The following MYOM1 variants were observed in gnomAD, a reference collection of about 807,000 sequenced individuals.
The protein encoded by MYOM1 is myomesin-1.
Under a neutral mutation model 205.3 loss-of-function variants are expected in MYOM1, and 164 were observed. The observed-to-expected ratio is 0.80, with a 90% CI of 0.70 to 0.91. The LOEUF (loss-of-function observed/expected upper bound fraction) is 0.91, where lower values mean the gene tolerates loss of function less well. Ranked by LOEUF, MYOM1 falls within the 40% of genes least tolerant of loss-of-function variation. The pLI, the probability that MYOM1 is intolerant of heterozygous loss-of-function variation, is 0.00. For missense variants in MYOM1, 2,011 were observed against 2,127.3 expected (o/e 0.95, Z 1.08); for synonymous variants, 772 against 789.4 (o/e 0.98, Z 0.37).
At chr18:3,225,242 C>A in the MYOM1 span, among the ~76,000 whole-genome samples, 29 of 152,196 alleles carry the variant, frequency 1.9e-4, no homozygotes, top group Non-Finnish European at 3.5e-4. Context: ...CCGCCTTGGC[C>A]TCCCAAAGTG....
intron 16 of MYOM1, 101 bp from the exon 17 acceptor site, chr18:3,131,597 T>C (rs2079877090): frequency 2.0e-5 from 19 of 969,014 alleles, no homozygotes; most frequent in Admixed American, 3.1e-5. Flanking sequence ...AAACAATTCT[T>C]TTTTTTTTAT....
the MYOM1 span, among the ~76,000 whole-genome samples, chr18:3,231,683 AC>A: frequency 1.3e-5 from 2 of 151,306 alleles, no homozygotes; most frequent in Non-Finnish European, 2.9e-5. Context: ...GGAATTAACT[AC>A]AGGTGCGTGC....
chr18:3,118,283 G>A (rs2079634528), intron 20 of MYOM1, among the ~76,000 whole-genome samples: 1 of 152,078 alleles, frequency 6.6e-6, no homozygotes, highest in Admixed American at 6.6e-5. Flanking sequence ...GAGGGTGGAG[G>A]GCTGCCCCCT....
At chr18:3,241,058 GT>G in the MYOM1 span, among the ~76,000 whole-genome samples, 1 of 152,184 alleles carries the variant, frequency 6.6e-6, no homozygotes, top group Non-Finnish European at 1.5e-5. Context: ...AAGGCATTCA[GT>G]TTTGTAAGGG....
intron 36 of MYOM1, among the ~76,000 whole-genome samples, chr18:3,073,319 C>A (rs1434731285): frequency 6.6e-6 from 1 of 152,188 alleles, no homozygotes; most frequent in African/African-American, 2.4e-5. Context: ...CTGGAAAGGG[C>A]ACCTTCCTGT....
At position 3,154,031 on chromosome 18, in the gene MYOM1, G is replaced by A. The variant is rs536655773; in HGVS notation, c.1643+916C>T. On this transcript the variant is annotated intron_variant, in intron 11 of 37. Coordinates refer to ENST00000356443, the MANE Select transcript of MYOM1 (RefSeq NM_003803.4). The stretch of plus-strand genomic sequence containing the variant: ...AGAACTTATAGATAGTGAATAATTT[G>A]CTTCTATTGATTTTTTGTTGTTACT... 1.2e-4 allele frequency among the ~76,000 whole-genome samples: 18 copies of A among 152,198 alleles called. No homozygotes were observed. In the South Asian group the frequency reaches 3.1e-3, roughly 26 times the overall value.
chr18:3,196,135 C>T (rs756557837), intron 2 of MYOM1, among the ~76,000 whole-genome samples: 4 of 152,216 alleles, frequency 2.6e-5, no homozygotes, highest in East Asian at 1.9e-4. Flanking sequence ...AATGCTAAGA[C>T]GTTTATGTAT....
chr18:3,182,913 C>CTTTTTTTTT (rs549386891), intron 5 of MYOM1, among the ~76,000 whole-genome samples: 60 of 92,270 alleles, frequency 6.5e-4, no homozygotes, highest in Non-Finnish European at 1.1e-3. Flanking sequence ...TTTCTTTCTT[C>CTTTTTTTTT]TTTTTTTTTT....
chr18:3,088,002 G>A (rs1458298694), intron 29 of MYOM1, among the ~76,000 whole-genome samples: 1 of 152,206 alleles, frequency 6.6e-6, no homozygotes, highest in Non-Finnish European at 1.5e-5. Flanking sequence ...AGATGACTGA[G>A]CTGGGCCTGG....
the MYOM1 span, among the ~76,000 whole-genome samples, chr18:3,233,923 A>C: frequency 2.0e-4 from 30 of 152,354 alleles, 1 homozygote; most frequent in African/African-American, 7.0e-4. Flanking sequence ...CATTCTTATC[A>C]ATAGTTAGTA....
Position 3,067,219 on chromosome 18 carries a change from C to T in MYOM1, c.*43G>A, listed in dbSNP as rs751803148. ...TCTCATCCTTAACCCAAACCATTCA[C>T]ACCCAAGTCACACAGGCCGGCTGGC... On this transcript the variant is annotated 3_prime_UTR_variant, in exon 38 of 38. Transcript: ENST00000356443. 7 of 1,540,974 alleles carry T rather than the reference C, an allele frequency of 4.5e-6. No homozygotes were observed. Among genetic ancestry groups the T allele is most frequent in the Non-Finnish European group, 6.1e-6 (7 of 1,140,074 alleles).
the MYOM1 span, among the ~76,000 whole-genome samples, chr18:3,232,824 A>AAAT: frequency 0.14 from 21,186 of 152,096 alleles, 2,122 homozygotes; most frequent in African/African-American, 0.29. Context: ...TATTTCACAT[A>AAAT]AATATGTTTC....
intron 10 of MYOM1, among the ~76,000 whole-genome samples, chr18:3,162,406 T>TAGTTTAGCCAATCCTA (rs1183485639): frequency 1.3e-5 from 2 of 152,108 alleles, no homozygotes; most frequent in Non-Finnish European, 2.9e-5. Flanking sequence ...CTAACTTGTT[T>TAGTTTAGCCAATCCTA]ACTTGCCCTG....
Position 3,079,219 on chromosome 18 carries a change from G to A in MYOM1, c.4608C>T (p.Gly1536=). ...CCACTGTCTTCTGATGTCCAGTTTTGCCATCAAAGAGCTCCATGACATACT... is the reference window on the plus strand; with the variant it reads ...CCACTGTCTTCTGATGTCCAGTTTTACCATCAAAGAGCTCCATGACATACT... The part of the protein sequence containing the change: ...KGKYVMELFD[G]KTGHQKTVDL... Residue 1536 remains glycine, a synonymous_variant, in exon 34 of 38, where the codon GGC becomes GGT. Transcript: ENST00000356443. 6.2e-7 allele frequency: 1 copy of A among 1,613,846 alleles called. No homozygotes were observed. The highest frequency in any genetic ancestry group is 1.3e-5 in the African/African-American group (1 of 74,986).
Position 3,135,961 on chromosome 18 carries a change from T to G in MYOM1, c.2026-231A>C, listed in dbSNP as rs551669233. On this transcript the variant is annotated intron_variant, in intron 14 of 37. Transcript: ENST00000356443. The surrounding 1 kb of genome is among the most constrained non-coding windows in gnomAD (Gnocchi z 4.1). ...GCTGTGTCCCTGCCCAAATCTCATCTACAATTGTAGCTCCCATAATTCCCA... is the reference window on the plus strand; with the variant it reads ...GCTGTGTCCCTGCCCAAATCTCATCGACAATTGTAGCTCCCATAATTCCCA... Among the ~76,000 whole-genome samples the G allele has an allele frequency of 1.9e-4, 29 of 152,334 alleles. No homozygotes were observed. In the Middle Eastern group the frequency reaches 0.014, roughly 71 times the overall value.
In MYOM1 at chr18:3,089,127, ATTT is replaced by A. The variant is rs2079189904; in HGVS notation, c.4137+44_4137+46del. The A allele has an allele frequency of 2.5e-6, 3 of 1,201,782 alleles. No individual in the cohort carries two copies. In the East Asian group the frequency reaches 8.0e-5, roughly 32 times the overall value. The allele number at this position is 1,201,782 out of a possible 1,614,324, so 74.4% of individuals were successfully genotyped here. ...TTGAGCTTCCTCTTCTCTACATTCT[ATTT>A]TATTTCCCTTGAATCAAATATTAAA... On this transcript the variant is annotated intron_variant, in intron 29 of 37. Coordinates refer to ENST00000356443, the MANE Select transcript of MYOM1 (RefSeq NM_003803.4).
chr18:3,231,847 CTTTTT>C, the MYOM1 span, among the ~76,000 whole-genome samples: 2 of 123,800 alleles, frequency 1.6e-5, no homozygotes, highest in Admixed American at 8.2e-5. Context: ...CAGCCGCATC[CTTTTT>C]TTTTTTTTTT....
chr18:3,097,535 C>T (rs1471710424), intron 25 of MYOM1, among the ~76,000 whole-genome samples: 2 of 152,034 alleles, frequency 1.3e-5, no homozygotes, highest in East Asian at 1.9e-4. Context: ...GTGATCCTCC[C>T]GCCTCAGTCT....
At chr18:3,208,929 C>T (rs1244777383) in intron 2 of MYOM1, among the ~76,000 whole-genome samples, 2 of 152,322 alleles carry the variant, frequency 1.3e-5, no homozygotes, top group South Asian at 2.1e-4. Flanking sequence ...TGTGCCCAGA[C>T]TATCAGCAGC....
Sources: allele counts gnomAD v4.1 joint callset (sites outside exome capture counted in the v4.1 genomes callset), GRCh38; gene constraint gnomAD v4.1.1; non-coding constraint Gnocchi (gnomAD v3.1); transcripts MANE v1.5; gene names NCBI Gene and HGNC (gene_info 2026-07-23, HGNC 2026-07-21).